USH2A: variants seen among roughly 807,000 people sequenced by gnomAD.
The protein encoded by USH2A is Usher syndrome 2A (autosomal recessive, mild).
Under a neutral mutation model 538.9 loss-of-function variants are expected in USH2A, and 443 were observed. The observed-to-expected ratio is 0.82, with a 90% confidence interval of 0.76 to 0.89. The LOEUF is 0.89. Ranked by LOEUF, USH2A falls within the 40% of genes least tolerant of loss-of-function variation. The pLI is 0.00. For missense variants in USH2A, 6,633 were observed against 6,324.8 expected (o/e 1.05, Z -1.65); for synonymous variants, 2,413 against 2,273.5 (o/e 1.06, Z -1.75).
intron 55 of USH2A, among the ~76,000 whole-genome samples, chr1:215,774,069 T>C (rs1200123923): frequency 6.6e-6 from 1 of 152,232 alleles, no homozygotes; most frequent in South Asian, 2.1e-4. Context: ...CTCCCCCCCA[T>C]TGAGCAGCAT....
intron 15 of USH2A, among the ~76,000 whole-genome samples, chr1:216,211,464 G>C (rs1056473182): frequency 1.3e-5 from 2 of 152,080 alleles, no homozygotes; most frequent in African/African-American, 4.8e-5. Flanking sequence ...GAGAACAGAG[G>C]GGGAAAATGT....
rs2038868055 is a variant in USH2A at position 216,378,017 on chromosome 1, CACA to C, written c.652-12935_652-12933del. Among the ~76,000 whole-genome samples the C allele has an allele frequency of 2.6e-5, 4 of 151,820 alleles. No individual in the cohort carries two copies. The South Asian group carries it at 8.3e-4, about 32-fold the overall frequency. ...TGTGTGCTTCGGATGGTTCTGCCTTCACAAAGCCTGGCTTAGCTTGCCTCAAAG... is the reference window on the plus strand; with the variant it reads ...TGTGTGCTTCGGATGGTTCTGCCTTCAAGCCTGGCTTAGCTTGCCTCAAAG... On this transcript the variant is annotated intron_variant, in intron 3 of 71. Coordinates refer to ENST00000307340, the MANE Select transcript of USH2A (RefSeq NM_206933.4).
At chr1:215,843,936 AC>A (rs1185592928) in intron 46 of USH2A, among the ~76,000 whole-genome samples, 8 of 152,176 alleles carry the variant, frequency 5.3e-5, no homozygotes, top group African/African-American at 1.9e-4. Flanking sequence ...AGAGAAAAAA[AC>A]ATCTCCACAT....
chr1:215,875,045 A>G (rs1039809300), intron 43 of USH2A, among the ~76,000 whole-genome samples: 1 of 152,212 alleles, frequency 6.6e-6, no homozygotes, highest in African/African-American at 2.4e-5. Context: ...AGGAACAAGG[A>G]GCCCCGGATG....
At chr1:215,782,273 T>C in intron 53 of USH2A, 77 bp from the exon 54 acceptor site, 1 of 1,497,936 alleles carries the variant, frequency 6.7e-7, no homozygotes, top group South Asian at 1.1e-5. Flanking sequence ...CAAATCTTAG[T>C]GTTCGGAAGA....
Position 215,970,621 on chromosome 1 carries a change from T to C in USH2A, c.6957+4A>G, listed in dbSNP as rs746928625. 6.2e-6 allele frequency: 10 copies of C among 1,613,534 alleles called. No homozygotes were observed. The highest frequency in any genetic ancestry group is 8.5e-6 in the Non-Finnish European group (10 of 1,179,662). On this transcript the variant is annotated splice_donor_region_variant and intron_variant, in intron 36 of 71. Transcript: ENST00000307340. ...ATTCCTAGAATGTAAATTTAGATAC[T>C]CACCAGTGGGCCCAGAGCACAACCT... is the stretch of plus-strand genomic sequence containing the variant.
chr1:216,257,165 C>T, intron 11 of USH2A, among the ~76,000 whole-genome samples: 1 of 151,766 alleles, frequency 6.6e-6, no homozygotes, highest in Non-Finnish European at 1.5e-5. Context: ...CATATGATAC[C>T]ATTTTATTTC....
chr1:215,748,422 T>G (rs1311855809), intron 58 of USH2A, among the ~76,000 whole-genome samples: 2 of 152,186 alleles, frequency 1.3e-5, no homozygotes, highest in Non-Finnish European at 2.9e-5. Flanking sequence ...GTATAATATA[T>G]TATTTTTTGG....
At chr1:216,206,281 CT>C (rs1375621521) in intron 16 of USH2A, among the ~76,000 whole-genome samples, 14 of 152,070 alleles carry the variant, frequency 9.2e-5, no homozygotes, top group Admixed American at 6.6e-5. Context: ...ACTTTATTTA[CT>C]TTAAACCAGT....
chr1:216,314,524 T>C (rs541255064), intron 9 of USH2A, among the ~76,000 whole-genome samples: 3 of 152,072 alleles, frequency 2.0e-5, no homozygotes, highest in Admixed American at 6.6e-5. Flanking sequence ...GCCTGATATA[T>C]AATATAAATA....
chr1:216,251,159 A>G, intron 11 of USH2A, 61 bp from the exon 12 acceptor site: 1 of 1,568,576 alleles, frequency 6.4e-7, no homozygotes, highest in Non-Finnish European at 8.8e-7. Context: ...TAATTTGCTC[A>G]TTAGGTACAA....
intron 30 of USH2A, among the ~76,000 whole-genome samples, chr1:216,069,424 TG>T (rs1440591066): frequency 6.6e-6 from 1 of 152,126 alleles, no homozygotes; most frequent in African/African-American, 2.4e-5. Context: ...TAGAGGAAAA[TG>T]TTTTTTTTCT....
chr1:216,379,598 C>A (rs2038895583), intron 3 of USH2A, among the ~76,000 whole-genome samples: 1 of 152,162 alleles, frequency 6.6e-6, no homozygotes, highest in Non-Finnish European at 1.5e-5. Flanking sequence ...GTGTCTAAGT[C>A]ATTTATACCA....
rs577850934 is a variant in USH2A, at chr1:216,343,476, C to T, written c.785-15822G>A. Among the ~76,000 whole-genome samples the T allele has an allele frequency of 8.2e-5, 12 of 146,816 alleles. No individual in the cohort carries two copies. The South Asian group carries it at 8.6e-4, about 11-fold the overall frequency. On this transcript the variant is annotated intron_variant, in intron 4 of 71. Coordinates refer to ENST00000307340, the MANE Select transcript of USH2A (RefSeq NM_206933.4). ...GATTACTTGAGACTGCACTAGGATA[C>T]GATCATGCCACTGCACTCCAGCCTG...
chr1:216,397,482 T>G (rs1479697578), intron 3 of USH2A, among the ~76,000 whole-genome samples: 1 of 152,190 alleles, frequency 6.6e-6, no homozygotes, highest in African/African-American at 2.4e-5. Flanking sequence ...CTACCCTCAA[T>G]GTAGGTGGGT....
At chr1:216,276,597 C>T (rs571500246) in intron 11 of USH2A, among the ~76,000 whole-genome samples, 9 of 152,186 alleles carry the variant, frequency 5.9e-5, no homozygotes, top group Admixed American at 4.6e-4. Context: ...TCTGTTTTCA[C>T]GCTGGTGATA....
At chr1:216,026,338 CA>C (rs1173892493) in intron 32 of USH2A, among the ~76,000 whole-genome samples, 2 of 152,032 alleles carry the variant, frequency 1.3e-5, no homozygotes, top group Non-Finnish European at 2.9e-5. Context: ...TTAATATAAT[CA>C]AAACATGTAT....
At chr1:215,735,062 T>G (rs1291668695) in intron 60 of USH2A, among the ~76,000 whole-genome samples, 8 of 152,190 alleles carry the variant, frequency 5.3e-5, no homozygotes, top group Non-Finnish European at 1.5e-5. Context: ...TGTGTTGCAA[T>G]AAAGAAATAC....
At chr1:215,838,962 C>A (rs1663602936) in intron 46 of USH2A, among the ~76,000 whole-genome samples, 1 of 152,062 alleles carries the variant, frequency 6.6e-6, no homozygotes. Context: ...TAATTCCGAG[C>A]TTTTATGTGA....
Sources: allele counts gnomAD v4.1 joint callset (sites outside exome capture counted in the v4.1 genomes callset), GRCh38; gene constraint gnomAD v4.1.1; transcripts MANE v1.5; gene names NCBI Gene and HGNC (gene_info 2026-07-23, HGNC 2026-07-21).